The following AKAP4 variants were observed in gnomAD, a reference collection of about 807,000 sequenced individuals.
The protein encoded by AKAP4 is A-kinase anchoring protein 4, also known as A-kinase anchor protein 4.
A neutral mutation model predicts 42.6 loss-of-function variants in AKAP4; 4 were observed. The observed-to-expected ratio is 0.09, with a 90% CI of 0.05 to 0.22. The LOEUF (loss-of-function observed/expected upper bound fraction) is 0.22, where lower values mean the gene tolerates loss of function less well. Ranked by LOEUF, AKAP4 falls within the 10% of genes least tolerant of loss-of-function variation. AKAP4 has a pLI of 1.00. For missense variants in AKAP4, 551 were observed against 630.7 expected, an observed-to-expected ratio of 0.87 and a Z score of 1.35; for synonymous variants, 223 against 233.0, an observed-to-expected ratio of 0.96 and a Z score of 0.39.
intron 4 of AKAP4, among the ~76,000 whole-genome samples, chrX:50,196,638 A>C (rs1935195029): frequency 9.0e-6 from 1 of 111,594 alleles, no homozygotes; most frequent in African/African-American, 3.3e-5. Context: ...GTCTTGTGTG[A>C]TTATGATTGG....
Position 50,193,218 on chromosome X carries a change from G to A in AKAP4, c.1495C>T (p.His499Tyr), listed in dbSNP as rs782552330. ...SLTSAEKVGE[H>Y]ILKEGLTIWN... is the part of the protein sequence containing the mutation. ...ATGGTTAGGCCCTCTTTGAGAATGTGTTCACCGACTTTCTCAGCACTAGTC... is the reference window on the plus strand; with the variant it reads ...ATGGTTAGGCCCTCTTTGAGAATGTATTCACCGACTTTCTCAGCACTAGTC... Residue 499 changes from histidine (H) to tyrosine (Y), a missense_variant, in exon 5 of 6, where the codon CAC becomes TAC. Physicochemically the swap from His to Tyr is moderately conservative, Grantham distance 83 (BLOSUM62 2). Transcript: ENST00000358526. 3 of 1,209,917 alleles carry A rather than the reference G, an allele frequency of 2.5e-6. No individual in the cohort carries two copies. The East Asian group carries it at 8.9e-5, about 36-fold the overall frequency.
In AKAP4 at chrX:50,192,452, G is replaced by A. The variant is rs1406079429; in HGVS notation, c.2261C>T (p.Ser754Phe). 7.4e-6 allele frequency: 9 copies of A among 1,209,076 alleles called. No individual in the cohort carries two copies. Among genetic ancestry groups the A allele is most frequent in the Non-Finnish European group, 8.9e-6 (8 of 894,115 alleles). The change falls in exon 5 of 6, where the codon TCT (serine) becomes TTT (phenylalanine). Residue 754 changes from serine (S) to phenylalanine (F), a missense_variant. Coordinates refer to ENST00000358526, the MANE Select transcript of AKAP4 (RefSeq NM_003886.3). ...SGAMPQNYQD[S>F]LGHEVIVNNQ... ...ATTGACAATTACTTCATGTCCAAGA[G>A]AGTCTTGATAGTTCTGTGGCATTGC... is the stretch of plus-strand genomic sequence containing the variant.
intron 3 of AKAP4, 61 bp downstream of exon 3, chrX:50,197,483 T>C (rs1935205553): frequency 1.9e-6 from 2 of 1,040,447 alleles, no homozygotes; most frequent in Non-Finnish European, 2.7e-6. Context: ...TCTTCATACT[T>C]CACTGATAAC....
In AKAP4 at chrX:50,193,816, T is replaced by G. The variant is rs1557204049; in HGVS notation, c.897A>C (p.Lys299Asn). The change falls in exon 5 of 6, where the codon AAA becomes AAC. Residue 299 changes from lysine to asparagine, a missense_variant. By Grantham distance (94) the Lys-to-Asn change is moderately conservative (BLOSUM62 0). Transcript: ENST00000358526. ...TGEESREGGQKSFLYSELSNK... is the reference protein window; with the variant it reads ...TGEESREGGQNSFLYSELSNK... ...TGGATAATTCGCTATATAGAAAGCT[T>G]TTCTGGCCACCTTCCCTGGACTCCT... 8.3e-7 allele frequency: 1 copy of G among 1,211,331 alleles called. No individual in the cohort carries two copies. The highest frequency in any genetic ancestry group is 1.8e-5 in the South Asian group (1 of 56,876).
At chrX:50,191,659 TGA>T (rs1227698576) in intron 5 of AKAP4, among the ~76,000 whole-genome samples, 1 of 43,611 alleles carries the variant, frequency 2.3e-5, no homozygotes, top group Non-Finnish European at 4.6e-5. Flanking sequence ...TGTGTGTGTG[TGA>T]GAGAGAGAAA....
chrX:50,191,205 C>A, intron 5 of AKAP4, 90 bp from the exon 6 acceptor site: 3 of 1,004,843 alleles, frequency 3.0e-6, no homozygotes, highest in Non-Finnish European at 4.1e-6. Flanking sequence ...ACCCCCTCAA[C>A]CCCTAACCTC....
chrX:50,192,413 G>A lies in AKAP4; in HGVS notation c.2300C>T (p.Thr767Ile). The part of the protein sequence containing the change: ...HEVIVNNQCS[T>I]NSLQKQLQAV... ...CTGGAGCTGCTTCTGCAAGCTATTT[G>A]TAGAGCACTGATTATTGACAATTAC... Residue 767 changes from threonine (T) to isoleucine (I), a missense_variant, in exon 5 of 6, where the codon ACA (threonine) becomes ATA (isoleucine). By Grantham distance (89) the Thr-to-Ile change is moderately conservative. Transcript: ENST00000358526. The A allele has an allele frequency of 6.6e-6, 8 of 1,205,934 alleles. No homozygotes were observed. The highest frequency in any genetic ancestry group is 9.0e-6 in the Non-Finnish European group (8 of 892,278).
rs782187338 is a variant in AKAP4 at position 50,191,670 on chromosome X, A to AAGAG, written c.2410-559_2410-556dup. ...TGTGTGTGTGTGTGTGAGAGAGAGAAAGAGAGAGAGAGAGAGACAGAGAGA... is the reference window on the plus strand; with the variant it reads ...TGTGTGTGTGTGTGTGAGAGAGAGAAAGAGAGAGAGAGAGAGAGAGACAGAGAGA... On this transcript the variant is annotated intron_variant, in intron 5 of 5. Transcript: ENST00000358526. Among the ~76,000 whole-genome samples the AAGAG allele has an allele frequency of 1.0e-3, 93 of 89,462 alleles. 1 individual carries two copies. The highest frequency in any genetic ancestry group is 6.3e-3 in the Middle Eastern group (1 of 160). 77.7% of individuals were successfully genotyped at this position (89,462 alleles called of 115,157 possible). A position where few individuals can be genotyped will look rare whatever the true frequency, so the allele number is the denominator to read the frequency against.
chrX:50,196,746 C>T (rs782507512), intron 4 of AKAP4, 145 bp downstream of exon 4: 11 of 431,586 alleles, frequency 2.5e-5, no homozygotes, highest in African/African-American at 5.0e-5. Context: ...CTTGAACTTA[C>T]GCCTGTGTTC....
At position 50,192,280 on chromosome X, in the gene AKAP4, C is replaced by T. The variant is rs7063633; in HGVS notation, c.2409+24G>A. The T allele has an allele frequency of 1.6e-3, 1,859 of 1,142,442 alleles. 19 individuals are homozygous for T. The African/African-American group carries it at 0.029, about 18-fold the overall frequency. The allele number at this position is 1,142,442 out of a possible 1,213,427, so 94.2% of individuals were successfully genotyped here. On this transcript the variant is annotated intron_variant, in intron 5 of 5. Coordinates refer to ENST00000358526, the MANE Select transcript of AKAP4 (RefSeq NM_003886.3). ...TGCCTCTGCCCATTCCAACTTTCTT[C>T]TTGTGCCTTAATGCATTACTTACCT...
intron 5 of AKAP4, among the ~76,000 whole-genome samples, chrX:50,191,659 T>TGTGTGTGTGAGAGAGAAAGA (rs1363221828): frequency 2.3e-5 from 1 of 43,611 alleles, no homozygotes; most frequent in African/African-American, 7.4e-5. Context: ...TGTGTGTGTG[T>TGTGTGTGTGAGAGAGAAAGA]GAGAGAGAGA....
At chrX:50,198,464 C>A (rs1401576383) in intron 2 of AKAP4, among the ~76,000 whole-genome samples, 193 bp downstream of exon 2, 1 of 110,437 alleles carries the variant, frequency 9.1e-6, no homozygotes, top group African/African-American at 3.3e-5. Context: ...TACATCACAC[C>A]ACACCCTGCC....
intron 4 of AKAP4, among the ~76,000 whole-genome samples, chrX:50,195,565 A>G (rs907724922): frequency 9.0e-6 from 1 of 111,620 alleles, no homozygotes; most frequent in Admixed American, 9.5e-5. Flanking sequence ...ATGTTCATGC[A>G]TTGTGTAATA....
chrX:50,196,799 G>A, intron 4 of AKAP4, 92 bp downstream of exon 4: 4 of 625,686 alleles, frequency 6.4e-6, no homozygotes, highest in South Asian at 2.8e-5. Context: ...CTGTTTGACA[G>A]TAAGTGTCTT....
intron 5 of AKAP4, among the ~76,000 whole-genome samples, chrX:50,191,362 CT>C (rs1557203562): frequency 9.0e-6 from 1 of 111,220 alleles, no homozygotes. Context: ...AAGATACTTT[CT>C]TTTTTGAGCT....
At chrX:50,198,626 A>G (rs1557204583) in intron 2 of AKAP4, 31 bp downstream of exon 2, 1 of 1,132,069 alleles carries the variant, frequency 8.8e-7, no homozygotes, top group South Asian at 1.9e-5. Context: ...AATTTTTCCT[A>G]CTCCTCGGCA....
At chrX:50,191,169 C>A (rs1704397602) in intron 5 of AKAP4, 54 bp from the exon 6 acceptor site, 3 of 1,175,580 alleles carry the variant, frequency 2.6e-6, no homozygotes, top group African/African-American at 3.6e-5. Context: ...GGAGGAAAGA[C>A]CTGCTGGACG....
chrX:50,196,951 T>C lies in AKAP4; in HGVS notation c.216A>G (p.Gly72=). Residue 72 remains glycine, a synonymous_variant, in exon 4 of 6, where the codon GGA becomes GGG. Transcript: ENST00000358526. ...SSSSEGNLNL[G]SLEEKEIIVI... is the part of the protein sequence containing the mutation. ...CGATAATCTCTTTTTCTTCCAGACT[T>C]CCCAGGTTTAAGTTGCCTTCTGAGC... The C allele has an allele frequency of 8.3e-7, 1 of 1,210,720 alleles. No homozygotes were observed. The highest frequency in any genetic ancestry group is 1.1e-6 in the Non-Finnish European group (1 of 894,584).
In AKAP4 at chrX:50,193,775, C is replaced by A; in HGVS notation, c.938G>T (p.Gly313Val). The A allele has an allele frequency of 1.7e-6, 2 of 1,210,118 alleles. No individual in the cohort carries two copies. The highest frequency in any genetic ancestry group is 2.2e-6 in the Non-Finnish European group (2 of 894,700). Residue 313 changes from glycine to valine, a missense_variant, in exon 5 of 6, where the codon GGA becomes GTA. Coordinates refer to ENST00000358526, the MANE Select transcript of AKAP4 (RefSeq NM_003886.3). ...CTCTCTCTGGGACATCTGTTTGTCT[C>A]CACTTTTGCTCTTGTTGGATAATTC... is the stretch of plus-strand genomic sequence containing the variant. ...YSELSNKSKS[G>V]DKQMSQRESK...
Sources: allele counts gnomAD v4.1 joint callset (sites outside exome capture counted in the v4.1 genomes callset), GRCh38; gene constraint gnomAD v4.1.1; transcripts MANE v1.5; gene names NCBI Gene and HGNC (gene_info 2026-07-23, HGNC 2026-07-21).